GNL2: variants seen among roughly 807,000 people sequenced by gnomAD.
The protein encoded by GNL2 is nucleolar GTP-binding protein 2.
GNL2 carries 51 observed loss-of-function variants against 92.3 expected under a neutral mutation model. The ratio of observed to expected loss-of-function variants is 0.55; its 90% CI spans 0.44 to 0.70. GNL2 has a LOEUF of 0.70. Among genes scored for constraint, GNL2 ranks in the 30% least tolerant of loss-of-function variants. The pLI, the probability that GNL2 is intolerant of heterozygous loss-of-function variation, is 0.00. For missense variants in GNL2, 844 were observed against 895.6 expected, an observed-to-expected ratio of 0.94 and a Z score of 0.74; for synonymous variants, 283 against 300.6, an observed-to-expected ratio of 0.94 and a Z score of 0.61.
In GNL2 at chr1:37,574,400, C is replaced by T; in HGVS notation, c.1359G>A (p.Arg453=). The T allele has an allele frequency of 1.2e-6, 2 of 1,614,070 alleles. No homozygotes were observed. Among genetic ancestry groups the T allele is most frequent in the Non-Finnish European group, 1.7e-6 (2 of 1,179,996 alleles). Residue 453 remains arginine (R), a synonymous_variant, in exon 12 of 16, where the codon AGG becomes AGA. Transcript: ENST00000373062. The part of the protein sequence containing the change: ...VGKMVLNDWQ[R]GRIPFFVKPP... Reference sequence around the variant, plus strand: ...GCTTGACAAAGAAAGGAATCCGGCCCCTCTGCCAGTCATTGAGGACCATCT... The same window carrying T: ...GCTTGACAAAGAAAGGAATCCGGCCTCTCTGCCAGTCATTGAGGACCATCT...
At chr1:37,583,523 C>T (rs1049847213) in intron 6 of GNL2, among the ~76,000 whole-genome samples, 5 of 152,036 alleles carry the variant, frequency 3.3e-5, no homozygotes, top group African/African-American at 4.8e-5. Context: ...GAGTCCTCAT[C>T]GATAAAAGGA....
At chr1:37,577,190 T>C (rs1490431293) in intron 8 of GNL2, among the ~76,000 whole-genome samples, 1 of 152,102 alleles carries the variant, frequency 6.6e-6, no homozygotes, top group African/African-American at 2.4e-5. Context: ...ATAAAACATC[T>C]TCGGGAAAAA....
At chr1:37,568,482 GGA>G (rs1381567358) in intron 13 of GNL2, 125 bp from the exon 14 acceptor site, 1 of 650,554 alleles carries the variant, frequency 1.5e-6, no homozygotes, top group Admixed American at 2.8e-5. Flanking sequence ...TATCACCAGT[GGA>G]AGAAGTCAAC....
chr1:37,581,359 G>T (rs918235663), intron 8 of GNL2: 8 of 455,968 alleles, frequency 1.8e-5, no homozygotes, highest in Non-Finnish European at 3.1e-5. Flanking sequence ...GAAGCTTTAA[G>T]AATTTGATAG....
Position 37,595,888 on chromosome 1 carries a change from C to T in GNL2, c.-66G>A. The T allele has an allele frequency of 7.0e-7, 1 of 1,424,064 alleles. No individual in the cohort carries two copies. The highest frequency in any genetic ancestry group is 9.9e-7 in the Non-Finnish European group (1 of 1,008,736). 88.2% of individuals were successfully genotyped at this position (1,424,064 alleles called of 1,614,324 possible). On this transcript the variant is annotated 5_prime_UTR_variant, in exon 1 of 16. Transcript: ENST00000373062. ...ACGTGGTGAAACAAACTTTTATGTT[C>T]CCAAGCCCGGCCGAAGACACCCGCC...
At chr1:37,589,499 G>A (rs1643875270) in intron 4 of GNL2, among the ~76,000 whole-genome samples, 1 of 152,036 alleles carries the variant, frequency 6.6e-6, no homozygotes, top group African/African-American at 2.4e-5. Context: ...AGTAGAGACG[G>A]GATTTCACGT....
At chr1:37,587,287 A>G (rs1643862803) in intron 5 of GNL2, 24 bp downstream of exon 5, 1 of 1,531,438 alleles carries the variant, frequency 6.5e-7, no homozygotes, top group Non-Finnish European at 8.8e-7. Flanking sequence ...AAACAAAAAC[A>G]AAGAAGCAAA....
chr1:37,570,490 A>G (rs6700965), intron 12 of GNL2: 60,670 of 150,946 alleles, frequency 0.4, 13,289 homozygotes, highest in East Asian at 0.58. Flanking sequence ...AGATCGTGCC[A>G]CTGCACTCCA....
intron 5 of GNL2, among the ~76,000 whole-genome samples, chr1:37,585,377 A>G (rs1643836016): frequency 6.6e-6 from 1 of 151,984 alleles, no homozygotes; most frequent in Admixed American, 6.6e-5. Flanking sequence ...TGTTACATAT[A>G]TTTTACCACA....
rs1643658318 is a variant in GNL2 at position 37,575,099 on chromosome 1, T to C, written c.1144-276A>G. On this transcript the variant is annotated intron_variant, in intron 10 of 15. Transcript: ENST00000373062. The surrounding 1 kb of genome is among the most constrained non-coding windows in gnomAD (Gnocchi z 4.1). ...CAGTTTAAACTTGGAATGCTTCATG[T>C]TACTCACTTGCAGAAATGGTTAAAA... Among the ~76,000 whole-genome samples, 1 of 152,164 alleles carries C rather than the reference T, an allele frequency of 6.6e-6. No individual in the cohort carries two copies.
At chr1:37,567,138 G>T in intron 15 of GNL2, 131 bp from the exon 16 acceptor site, 1 of 917,484 alleles carries the variant, frequency 1.1e-6, no homozygotes, top group Non-Finnish European at 1.6e-6. Flanking sequence ...ACTGGAAGCA[G>T]TGCTAATGAG....
chr1:37,587,266 CAAA>C, intron 5 of GNL2, 42 bp downstream of exon 5: 7 of 1,154,902 alleles, frequency 6.1e-6, no homozygotes, highest in South Asian at 1.6e-5. Context: ...GACTCCATCT[CAAA>C]AAAAAAAAAA....
chr1:37,587,583 G>C (rs1643864813), intron 4 of GNL2, 88 bp from the exon 5 acceptor site: 19 of 832,358 alleles, frequency 2.3e-5, no homozygotes, highest in Non-Finnish European at 3.5e-5. Flanking sequence ...AAGACTTTCT[G>C]ATTTTATTTT....
intron 1 of GNL2, among the ~76,000 whole-genome samples, chr1:37,595,425 T>G (rs1379864645): frequency 1.3e-5 from 2 of 151,982 alleles, no homozygotes; most frequent in Non-Finnish European, 2.9e-5. Context: ...GCCCGAAGGG[T>G]CAACCTACAC....
intron 1 of GNL2, among the ~76,000 whole-genome samples, chr1:37,594,635 C>G (rs1643910372): frequency 6.6e-6 from 1 of 152,148 alleles, no homozygotes; most frequent in African/African-American, 2.4e-5. Flanking sequence ...TCCACCTCCC[C>G]GGTTCATGCA....
chr1:37,569,237 G>A lies in GNL2; in HGVS notation c.1482C>T (p.Val494=). The A allele has an allele frequency of 6.2e-7, 1 of 1,613,712 alleles. No individual in the cohort carries two copies. The highest frequency in any genetic ancestry group is 8.5e-7 in the Non-Finnish European group (1 of 1,179,974). The part of the protein sequence containing the change: ...EAAQNNPGEE[V]TETAGEGSES... ...CTGACCCTTCACCTGCAGTTTCTGT[G>A]ACTTCCTCCCCTGGATTGTTCTGGG... Residue 494 remains valine, a synonymous_variant, in exon 13 of 16, where the codon GTC becomes GTT. Coordinates refer to ENST00000373062, the MANE Select transcript of GNL2 (RefSeq NM_013285.3).
intron 8 of GNL2, among the ~76,000 whole-genome samples, chr1:37,579,524 G>C (rs10752599): frequency 0.47 from 69,737 of 148,488 alleles, 17,223 homozygotes; most frequent in East Asian, 0.63. Context: ...TCTAGCCTGG[G>C]CAACAAGAGC....
intron 3 of GNL2, among the ~76,000 whole-genome samples, chr1:37,591,544 C>T (rs982561578): frequency 6.4e-5 from 9 of 139,858 alleles, no homozygotes; most frequent in East Asian, 2.1e-4. Flanking sequence ...CTCACTCTGT[C>T]ACCCAGGCTG....
At chr1:37,595,621 T>A in intron 1 of GNL2, 138 bp downstream of exon 1, 1 of 739,442 alleles carries the variant, frequency 1.4e-6, no homozygotes, top group South Asian at 1.6e-5. Flanking sequence ...TTTTCCCTTT[T>A]CATCCCCAAC....
Sources: gnomAD v4.1 joint callset for allele counts (sites outside exome capture counted in the v4.1 genomes callset) on GRCh38, gnomAD v4.1.1 for gene constraint, Gnocchi (gnomAD v3.1) non-coding constraint, MANE v1.5 for transcripts, NCBI Gene and HGNC (gene_info 2026-07-23, HGNC 2026-07-21) for gene names.